The following YPEL2 variants were observed in gnomAD, a reference collection of about 807,000 sequenced individuals.
The protein encoded by YPEL2 is protein yippee-like 2.
Under a neutral mutation model 19.1 loss-of-function variants are expected in YPEL2, and 2 were observed. The observed-to-expected ratio is 0.10, with a 90% confidence interval of 0.04 to 0.33. The LOEUF (loss-of-function observed/expected upper bound fraction) is 0.33. YPEL2 is among the 10% of genes least tolerant of loss of function. The probability of loss-of-function intolerance (pLI) is 1.00; values close to 1 mark genes in which losing one functional copy is unlikely to be tolerated. For missense variants in YPEL2, 66 were observed against 140.7 expected (o/e 0.47, Z 2.68); for synonymous variants, 52 against 50.0 (o/e 1.04, Z -0.17).
chr17:59,335,390 TC>T (rs2047693831), intron 1 of YPEL2, among the ~76,000 whole-genome samples: 1 of 152,042 alleles, frequency 6.6e-6, no homozygotes, highest in African/African-American at 2.4e-5. Context: ...CTTGTCCTAC[TC>T]CCCCATCTTC....
chr17:59,359,654 T>TTC (rs1356465288), intron 2 of YPEL2, among the ~76,000 whole-genome samples: 1 of 152,224 alleles, frequency 6.6e-6, no homozygotes, highest in Non-Finnish European at 1.5e-5. Context: ...AGTGGATATA[T>TTC]GACATAATGA....
intron 1 of YPEL2, among the ~76,000 whole-genome samples, chr17:59,343,059 C>T (rs7212846): frequency 0.22 from 34,136 of 152,096 alleles, 4,146 homozygotes; most frequent in East Asian, 0.41. Context: ...TGGTGTGGCT[C>T]ATCTGGGTAA....
intron 2 of YPEL2, chr17:59,355,014 T>A (rs1237862485): frequency 6.6e-6 from 1 of 152,094 alleles, no homozygotes; most frequent in Non-Finnish European, 1.5e-5. Flanking sequence ...AGAAATTATT[T>A]GCCTGTATCT....
chr17:59,363,856 G>C (rs917653952), intron 2 of YPEL2, among the ~76,000 whole-genome samples: 7 of 152,144 alleles, frequency 4.6e-5, no homozygotes, highest in African/African-American at 1.7e-4. Context: ...AGTAATCCTT[G>C]TGGCAAATCC....
Position 59,398,428 on chromosome 17 carries a change from C to G in YPEL2, c.*1238C>G, listed in dbSNP as rs1489285439. ...TAGATTCCTCATGCCCCTAATTGTC[C>G]CACTTAGGCCTGAATGTCTTGCATG... On this transcript the variant is annotated 3_prime_UTR_variant, in exon 5 of 5. Transcript: ENST00000312655. 2 of 152,102 alleles carry G rather than the reference C, an allele frequency of 1.3e-5. No homozygotes were observed. Among genetic ancestry groups the G allele is most frequent in the Non-Finnish European group, 2.9e-5 (2 of 68,034 alleles). The allele number at this position is 152,102 out of a possible 1,614,324, so 9.4% of individuals were successfully genotyped here.
chr17:59,397,607 G>C lies in YPEL2; in HGVS notation c.*417G>C. 6.3e-6 allele frequency: 1 copy of C among 159,488 alleles called. No homozygotes were observed. The highest frequency in any genetic ancestry group is 1.4e-5 in the Non-Finnish European group (1 of 73,022). The allele number at this position is 159,488 out of a possible 1,614,324, so 9.9% of individuals were successfully genotyped here. A position where few individuals can be genotyped will look rare whatever the true frequency, so the allele number is the denominator to read the frequency against. On this transcript the variant is annotated 3_prime_UTR_variant, in exon 5 of 5. Coordinates refer to ENST00000312655, the MANE Select transcript of YPEL2 (RefSeq NM_001005404.4). ...TCTAAGGGTCCTGGCGCGGGGAAGG[G>C]GTGGAAGGGTGGAGGTAGGAACAAA...
At chr17:59,392,722 C>T (rs2048014027) in intron 4 of YPEL2, among the ~76,000 whole-genome samples, 1 of 152,124 alleles carries the variant, frequency 6.6e-6, no homozygotes, top group African/African-American at 2.4e-5. Context: ...CCATGTTGGT[C>T]AGGCTGGTCT....
chr17:59,380,448 T>G (rs1325819765), intron 2 of YPEL2, among the ~76,000 whole-genome samples: 1 of 151,838 alleles, frequency 6.6e-6, no homozygotes, highest in African/African-American at 2.4e-5. Context: ...TTTTGTATTT[T>G]TAGTAGAGAC....
At chr17:59,394,999 G>C (rs933033542) in intron 4 of YPEL2, among the ~76,000 whole-genome samples, 2 of 152,248 alleles carry the variant, frequency 1.3e-5, no homozygotes, top group South Asian at 4.1e-4. Flanking sequence ...TGAGGCAGGA[G>C]AATCAGGCAG....
chr17:59,378,795 C>G (rs1283302842), intron 2 of YPEL2, among the ~76,000 whole-genome samples: 1 of 152,232 alleles, frequency 6.6e-6, no homozygotes, highest in Non-Finnish European at 1.5e-5. Flanking sequence ...TTCCCTGCCC[C>G]TCCCTCCATC....
intron 4 of YPEL2, among the ~76,000 whole-genome samples, chr17:59,394,884 G>A (rs908863778): frequency 6.6e-6 from 1 of 152,238 alleles, no homozygotes; most frequent in Non-Finnish European, 1.5e-5. Context: ...GTTAGGAGCT[G>A]GAGACCAGCC....
intron 2 of YPEL2, among the ~76,000 whole-genome samples, chr17:59,366,489 T>TTG (rs2047869781): frequency 6.6e-6 from 1 of 152,220 alleles, no homozygotes; most frequent in South Asian, 2.1e-4. Flanking sequence ...GAAGTGCCTT[T>TTG]TGTTTCCCTG....
intron 2 of YPEL2, among the ~76,000 whole-genome samples, chr17:59,369,316 A>G (rs2047885522): frequency 6.6e-6 from 1 of 152,208 alleles, no homozygotes; most frequent in Non-Finnish European, 1.5e-5. Context: ...CAGGCATTGG[A>G]AAATGGGGAT....
intron 4 of YPEL2, among the ~76,000 whole-genome samples, chr17:59,393,216 C>T (rs1481965298): frequency 6.6e-6 from 1 of 152,040 alleles, no homozygotes. Context: ...CAGCCTCAAC[C>T]TCCTGGACCC....
At chr17:59,384,739 G>C (rs1335751660) in intron 2 of YPEL2, among the ~76,000 whole-genome samples, 2 of 152,208 alleles carry the variant, frequency 1.3e-5, no homozygotes, top group African/African-American at 4.8e-5. Context: ...TGCACACCTT[G>C]CTGGGATACC....
chr17:59,381,681 G>C (rs1231613286), intron 2 of YPEL2, among the ~76,000 whole-genome samples: 1 of 152,140 alleles, frequency 6.6e-6, no homozygotes, highest in Non-Finnish European at 1.5e-5. Flanking sequence ...TGGAAGGGCT[G>C]GGCCTGGAAC....
At chr17:59,363,140 A>C (rs955656523) in intron 2 of YPEL2, 1 of 150,288 alleles carries the variant, frequency 6.7e-6, no homozygotes, top group Non-Finnish European at 1.5e-5. Flanking sequence ...CTTAGTTTCT[A>C]TGTATATATA....
At chr17:59,349,868 C>T (rs2047779132) in intron 1 of YPEL2, among the ~76,000 whole-genome samples, 1 of 151,942 alleles carries the variant, frequency 6.6e-6, no homozygotes, top group Non-Finnish European at 1.5e-5. Context: ...ACCATATTGG[C>T]CAGGATGGTC....
At chr17:59,375,866 CAGAG>C (rs1349465205) in intron 2 of YPEL2, among the ~76,000 whole-genome samples, 2 of 152,184 alleles carry the variant, frequency 1.3e-5, no homozygotes, top group African/African-American at 4.8e-5. Flanking sequence ...CCTCCTTCAT[CAGAG>C]AGACAGACTT....
Sources: allele counts gnomAD v4.1 joint callset (sites outside exome capture counted in the v4.1 genomes callset), GRCh38; gene constraint gnomAD v4.1.1; transcripts MANE v1.5; gene names NCBI Gene and HGNC (gene_info 2026-07-23, HGNC 2026-07-21).